Variants in ERGIC1 observed in about 807,000 individuals in gnomAD.
ERGIC1 encodes endoplasmic reticulum-Golgi intermediate compartment protein 1.
A neutral mutation model predicts 38.3 loss-of-function variants in ERGIC1; 19 were observed. The ratio of observed to expected loss-of-function variants is 0.50; its 90% confidence interval spans 0.35 to 0.73. The LOEUF is 0.73. Among genes scored for constraint, ERGIC1 ranks in the 30% least tolerant of loss-of-function variants. The pLI is 0.01. For missense variants in ERGIC1, 294 were observed against 389.2 expected (o/e 0.76, Z 2.06); for synonymous variants, 124 against 157.6 (o/e 0.79, Z 1.60).
At chr5:172,924,674 C>T (rs965388706) in intron 6 of ERGIC1, among the ~76,000 whole-genome samples, 1 of 152,216 alleles carries the variant, frequency 6.6e-6, no homozygotes. Context: ...GCAGCGGTCT[C>T]GCATTGCCAC....
chr5:172,932,099 T>C (rs1224628658), intron 7 of ERGIC1, among the ~76,000 whole-genome samples: 2 of 152,276 alleles, frequency 1.3e-5, no homozygotes, highest in African/African-American at 4.8e-5. Context: ...CTGCAGATGA[T>C]CCACCCACCT....
intron 1 of ERGIC1, among the ~76,000 whole-genome samples, chr5:172,859,760 G>A (rs1761650584): frequency 6.6e-6 from 1 of 152,194 alleles, no homozygotes. Context: ...GGGACAGCCT[G>A]CCCAGCTGTA....
At chr5:172,898,863 C>A (rs1176920477) in intron 3 of ERGIC1, among the ~76,000 whole-genome samples, 1 of 152,146 alleles carries the variant, frequency 6.6e-6, no homozygotes, top group Non-Finnish European at 1.5e-5. Flanking sequence ...GCATCTTCCC[C>A]TCTGTACAAC....
At chr5:172,948,075 G>A (rs997338292) in intron 9 of ERGIC1, among the ~76,000 whole-genome samples, 27 of 152,062 alleles carry the variant, frequency 1.8e-4, no homozygotes, top group Non-Finnish European at 1.9e-4. Context: ...GTCCCCCTGC[G>A]TCATGTTCTG....
intron 3 of ERGIC1, among the ~76,000 whole-genome samples, chr5:172,898,949 C>T (rs10042456): frequency 0.021 from 3,174 of 152,208 alleles, 108 homozygotes; most frequent in African/African-American, 0.072. Flanking sequence ...GAGGTTGAGA[C>T]TTGCTAATGT....
intron 9 of ERGIC1, among the ~76,000 whole-genome samples, chr5:172,950,349 T>C (rs1764205693): frequency 6.6e-6 from 1 of 152,218 alleles, no homozygotes; most frequent in African/African-American, 2.4e-5. Flanking sequence ...GACGTACCTG[T>C]GTTCAAGTTG....
intron 1 of ERGIC1, among the ~76,000 whole-genome samples, chr5:172,870,153 A>G (rs983651140): frequency 6.6e-6 from 1 of 152,232 alleles, no homozygotes; most frequent in African/African-American, 2.4e-5. Context: ...ACAAACTGAT[A>G]ATACTCAGGC....
chr5:172,908,759 T>C (rs1477869284), intron 3 of ERGIC1, among the ~76,000 whole-genome samples: 1 of 152,172 alleles, frequency 6.6e-6, no homozygotes, highest in Non-Finnish European at 1.5e-5. Flanking sequence ...AATAAATGTG[T>C]GTTGGTTTAA....
intron 1 of ERGIC1, among the ~76,000 whole-genome samples, chr5:172,843,093 C>G (rs1761198012): frequency 6.6e-6 from 1 of 152,168 alleles, no homozygotes; most frequent in Non-Finnish European, 1.5e-5. Context: ...TTGCAGTGAG[C>G]CGAGATTGTG....
At chr5:172,850,576 C>T (rs1761379635) in intron 1 of ERGIC1, among the ~76,000 whole-genome samples, 1 of 152,136 alleles carries the variant, frequency 6.6e-6, no homozygotes, top group South Asian at 2.1e-4. Flanking sequence ...CTAGTGCTCC[C>T]ACCCACTCGC....
intron 1 of ERGIC1, among the ~76,000 whole-genome samples, chr5:172,838,333 A>T (rs187385822): frequency 1.2e-3 from 179 of 152,302 alleles, no homozygotes; most frequent in Non-Finnish European, 2.0e-3. Context: ...GCATTCAGCC[A>T]AGCATGGACC....
chr5:172,887,482 C>G (rs554068179), intron 1 of ERGIC1, among the ~76,000 whole-genome samples: 1 of 152,300 alleles, frequency 6.6e-6, no homozygotes, highest in African/African-American at 2.4e-5. Context: ...ACTAATGGTC[C>G]CATTTTTACA....
chr5:172,903,849 T>G (rs555108818), intron 3 of ERGIC1, among the ~76,000 whole-genome samples: 2 of 151,886 alleles, frequency 1.3e-5, no homozygotes, highest in African/African-American at 2.4e-5. Flanking sequence ...AGCCTAGGCT[T>G]TGAACCCTGG....
intron 9 of ERGIC1, among the ~76,000 whole-genome samples, chr5:172,947,012 A>T (rs1336827499): frequency 6.6e-6 from 1 of 151,862 alleles, no homozygotes; most frequent in Non-Finnish European, 1.5e-5. Flanking sequence ...GGTAAAACCC[A>T]GTCTTTACTA....
At chr5:172,914,206 G>T (rs1242971891) in intron 4 of ERGIC1, among the ~76,000 whole-genome samples, 2 of 133,834 alleles carry the variant, frequency 1.5e-5, no homozygotes, top group African/African-American at 5.7e-5. Flanking sequence ...TTGCACACCA[G>T]CCTGGGCAAG....
chr5:172,914,518 C>T (rs534840848), intron 4 of ERGIC1, 196 bp from the exon 5 acceptor site: 2 of 842,098 alleles, frequency 2.4e-6, no homozygotes, highest in South Asian at 1.6e-5. Context: ...CTATGCACTG[C>T]CCCCCTCGCC....
At chr5:172,882,275 A>G (rs1269199822) in intron 1 of ERGIC1, among the ~76,000 whole-genome samples, 3 of 152,072 alleles carry the variant, frequency 2.0e-5, no homozygotes, top group African/African-American at 7.2e-5. Context: ...GATCACTTTC[A>G]TTTCCCCACT....
At position 172,864,656 on chromosome 5, in the gene ERGIC1, T is replaced by A. The variant is rs1761806182; in HGVS notation, c.21-24043T>A. On this transcript the variant is annotated intron_variant, in intron 1 of 9. Transcript: ENST00000393784. The stretch of plus-strand genomic sequence containing the variant: ...TAAATGCTGGTTGCAATCTACTACT[T>A]TGATTTTTTAACTCACTAGTCATCG... 2.6e-5 allele frequency among the ~76,000 whole-genome samples: 4 copies of A among 152,080 alleles called. No homozygotes were observed. The South Asian group carries it at 8.3e-4, about 32-fold the overall frequency.
At chr5:172,928,866 C>T (rs950582973) in intron 7 of ERGIC1, among the ~76,000 whole-genome samples, 1 of 152,186 alleles carries the variant, frequency 6.6e-6, no homozygotes, top group African/African-American at 2.4e-5. Flanking sequence ...ATCCTCTCCA[C>T]CTTAAGCCTT....
Sources: gnomAD v4.1 joint callset for allele counts (sites outside exome capture counted in the v4.1 genomes callset) on GRCh38, gnomAD v4.1.1 for gene constraint, MANE v1.5 for transcripts, NCBI Gene and HGNC (gene_info 2026-07-23, HGNC 2026-07-21) for gene names.